The following GPC5 variants were observed in gnomAD, a reference collection of about 807,000 sequenced individuals.
GPC5 encodes the protein glypican-5.
A neutral mutation model predicts 53.9 loss-of-function variants in GPC5; 47 were observed. The observed-to-expected ratio is 0.87, with a 90% CI of 0.69 to 1.11. GPC5 has a LOEUF of 1.11. Among genes scored for constraint, GPC5 ranks in the 50% most tolerant of loss-of-function variants. The probability of loss-of-function intolerance (pLI) is 0.00; values close to 1 mark genes in which losing one functional copy is unlikely to be tolerated. For synonymous variants in GPC5, 286 were observed against 263.3 expected, an observed-to-expected ratio of 1.09 and a Z score of -0.84; for missense variants, 748 against 713.1, an observed-to-expected ratio of 1.05 and a Z score of -0.56.
chr13:91,921,083 T>G (rs2039709230), intron 6 of GPC5, among the ~76,000 whole-genome samples: 1 of 151,822 alleles, frequency 6.6e-6, no homozygotes, highest in Non-Finnish European at 1.5e-5. Context: ...ATTACAGAAG[T>G]GCACCATCAT....
rs141295320 is a variant in GPC5, at chr13:91,493,624, C to T, written c.325+44702C>T. Among the ~76,000 whole-genome samples, 663 of 152,014 alleles carry T rather than the reference C, an allele frequency of 4.4e-3. 4 individuals are homozygous for T. The highest frequency in any genetic ancestry group is 0.015 in the African/African-American group (631 of 41,468). On this transcript the variant is annotated intron_variant, in intron 2 of 7. Transcript: ENST00000377067. ...CACGTCTGCTCTTGAAATAAAAAAC[C>T]AACTCGCAAGGGGGCCCTCGAGGCT...
At chr13:91,640,521 C>T (rs1328858098) in intron 2 of GPC5, among the ~76,000 whole-genome samples, 1 of 152,200 alleles carries the variant, frequency 6.6e-6, no homozygotes, top group Non-Finnish European at 1.5e-5. Flanking sequence ...TACTTTCACA[C>T]TGTTGGTAGG....
chr13:91,489,665 A>G (rs948648135), intron 2 of GPC5, among the ~76,000 whole-genome samples: 6 of 152,198 alleles, frequency 3.9e-5, no homozygotes, highest in Non-Finnish European at 4.4e-5. Context: ...AAATTGTTTT[A>G]GTTGCCATCA....
chr13:91,642,380 A>G (rs1196659799), intron 2 of GPC5, among the ~76,000 whole-genome samples: 1 of 152,234 alleles, frequency 6.6e-6, no homozygotes, highest in African/African-American at 2.4e-5. Flanking sequence ...GATGAAAAAC[A>G]CAACACACAC....
intron 7 of GPC5, among the ~76,000 whole-genome samples, chr13:92,600,120 G>A (rs1883999430): frequency 6.6e-6 from 1 of 152,104 alleles, no homozygotes; most frequent in Admixed American, 6.5e-5. Flanking sequence ...TTTCTGTGCT[G>A]TCACTGTCAA....
intron 4 of GPC5, among the ~76,000 whole-genome samples, chr13:91,742,921 A>T (rs2036967056): frequency 6.6e-6 from 1 of 152,152 alleles, no homozygotes; most frequent in African/African-American, 2.4e-5. Context: ...TTATAGCCAT[A>T]GACATGGCTA....
chr13:92,665,016 A>T (rs1886523085), intron 7 of GPC5, among the ~76,000 whole-genome samples: 1 of 152,194 alleles, frequency 6.6e-6, no homozygotes, highest in Non-Finnish European at 1.5e-5. Context: ...GTGTTACAAA[A>T]AAAACAGTAG....
chr13:91,578,382 C>T (rs929097527), intron 2 of GPC5, among the ~76,000 whole-genome samples: 6 of 152,170 alleles, frequency 3.9e-5, no homozygotes, highest in African/African-American at 1.4e-4. Context: ...TTATGCAGCA[C>T]TAGGTTAGTA....
intron 6 of GPC5, among the ~76,000 whole-genome samples, chr13:92,063,623 T>G (rs1400726638): frequency 6.6e-6 from 1 of 151,924 alleles, no homozygotes; most frequent in Non-Finnish European, 1.5e-5. Flanking sequence ...TTAAAATAAA[T>G]AAATAAATAA....
At chr13:91,583,017 A>G (rs770930317) in intron 2 of GPC5, among the ~76,000 whole-genome samples, 2 of 151,782 alleles carry the variant, frequency 1.3e-5, no homozygotes, top group African/African-American at 4.9e-5. Context: ...AAATAAATAA[A>G]TAAATAAATC....
At chr13:92,087,488 A>AT (rs1166160643) in intron 6 of GPC5, among the ~76,000 whole-genome samples, 8 of 152,112 alleles carry the variant, frequency 5.3e-5, no homozygotes, top group Non-Finnish European at 1.2e-4. Flanking sequence ...AAAATACCAA[A>AT]TTTTGCCAAC....
intron 5 of GPC5, among the ~76,000 whole-genome samples, chr13:91,836,186 T>C (rs537878956): frequency 2.0e-4 from 31 of 152,210 alleles, no homozygotes; most frequent in African/African-American, 7.2e-4. Context: ...TTAAAAACTA[T>C]TGAATATTGA....
chr13:92,578,504 G>A (rs1883257956), intron 7 of GPC5, among the ~76,000 whole-genome samples: 1 of 152,110 alleles, frequency 6.6e-6, no homozygotes, highest in Non-Finnish European at 1.5e-5. Flanking sequence ...TACACCATCT[G>A]CAGGCAGGAG....
intron 6 of GPC5, among the ~76,000 whole-genome samples, chr13:91,920,805 AAGCATGTAC>A (rs1158539511): frequency 6.6e-6 from 1 of 152,142 alleles, no homozygotes; most frequent in African/African-American, 2.4e-5. Context: ...TCTGATCTGA[AAGCATGTAC>A]TCAGTTAAAT....
chr13:92,069,950 A>T (rs1394530836), intron 6 of GPC5, among the ~76,000 whole-genome samples: 1 of 152,178 alleles, frequency 6.6e-6, no homozygotes, highest in Non-Finnish European at 1.5e-5. Context: ...TTACCTGACA[A>T]AAGAGACTTT....
chr13:92,641,026 GT>G (rs1885579245), intron 7 of GPC5, among the ~76,000 whole-genome samples: 1 of 152,096 alleles, frequency 6.6e-6, no homozygotes, highest in Non-Finnish European at 1.5e-5. Context: ...AACCATGGTG[GT>G]AAAGAATAAT....
At chr13:91,472,210 T>C (rs1051120818) in intron 2 of GPC5, among the ~76,000 whole-genome samples, 2 of 152,188 alleles carry the variant, frequency 1.3e-5, no homozygotes, top group Non-Finnish European at 2.9e-5. Flanking sequence ...TAATCTATGG[T>C]AGATGTTCAG....
intron 4 of GPC5, among the ~76,000 whole-genome samples, chr13:91,747,445 G>T (rs777746331): frequency 6.6e-6 from 1 of 152,198 alleles, no homozygotes; most frequent in Non-Finnish European, 1.5e-5. Context: ...CTATGAATGA[G>T]CAATTGTGCT....
intron 7 of GPC5, among the ~76,000 whole-genome samples, chr13:92,834,739 TAA>T (rs1477928480): frequency 6.6e-6 from 1 of 152,138 alleles, no homozygotes; most frequent in Non-Finnish European, 1.5e-5. Context: ...AGAAAATGTA[TAA>T]AGAGATAATT....
Sources: gnomAD v4.1 joint callset for allele counts (sites outside exome capture counted in the v4.1 genomes callset) on GRCh38, gnomAD v4.1.1 for gene constraint, MANE v1.5 for transcripts, NCBI Gene and HGNC (gene_info 2026-07-23, HGNC 2026-07-21) for gene names.